Variants in TNFAIP8 observed in about 807,000 individuals in gnomAD.
TNFAIP8 encodes the protein TNF alpha induced protein 8.
A neutral mutation model predicts 13.3 loss-of-function variants in TNFAIP8; 7 were observed. The ratio of observed to expected loss-of-function variants is 0.52; its 90% CI spans 0.30 to 0.99. The LOEUF (loss-of-function observed/expected upper bound fraction) is 0.99. Ranked by LOEUF, TNFAIP8 falls within the 50% of genes least tolerant of loss-of-function variation. The probability of loss-of-function intolerance (pLI) is 0.07; values close to 1 mark genes in which losing one functional copy is unlikely to be tolerated. For missense variants in TNFAIP8, 258 were observed against 236.9 expected, an observed-to-expected ratio of 1.09 and a Z score of -0.58; for synonymous variants, 94 against 87.6, an observed-to-expected ratio of 1.07 and a Z score of -0.41.
intron 1 of TNFAIP8, among the ~76,000 whole-genome samples, chr5:119,335,336 G>A (rs900815814): frequency 3.9e-5 from 6 of 152,160 alleles, no homozygotes; most frequent in African/African-American, 1.4e-4. Context: ...ATTAATTTAA[G>A]GAATTTCTCA....
At position 119,341,834 on chromosome 5, in the gene TNFAIP8, T is replaced by G. The variant is rs915144425; in HGVS notation, c.2-50982T>G. ...TTGCATCACTGAAGAGAAGGAACCCTAATCATTTGAAACTCTCACTTCTGC... is the reference window on the plus strand; with the variant it reads ...TTGCATCACTGAAGAGAAGGAACCCGAATCATTTGAAACTCTCACTTCTGC... On this transcript the variant is annotated intron_variant, in intron 1 of 1. Transcript: ENST00000274456. 2.6e-5 allele frequency among the ~76,000 whole-genome samples: 4 copies of G among 152,188 alleles called. No homozygotes were observed. The East Asian group carries it at 7.7e-4, about 29-fold the overall frequency.
intron 1 of TNFAIP8, among the ~76,000 whole-genome samples, chr5:119,328,299 C>A (rs1750282237): frequency 6.6e-6 from 1 of 152,106 alleles, no homozygotes; most frequent in Non-Finnish European, 1.5e-5. Context: ...AGGCATGAGC[C>A]ACTGTGTCCA....
intron 1 of TNFAIP8, among the ~76,000 whole-genome samples, chr5:119,276,547 A>G (rs2150801306): frequency 6.6e-6 from 1 of 152,276 alleles, no homozygotes; most frequent in East Asian, 1.9e-4. Context: ...TTATATTCTC[A>G]CAGTTCTGGA....
chr5:119,319,918 G>C (rs1471688721), intron 1 of TNFAIP8, among the ~76,000 whole-genome samples: 1 of 152,200 alleles, frequency 6.6e-6, no homozygotes, highest in African/African-American at 2.4e-5. Flanking sequence ...GATTAGACAT[G>C]TTCTGTGTAT....
Position 119,289,012 on chromosome 5 carries a change from C to A in TNFAIP8, c.1+20105C>A, listed in dbSNP as rs76833216. The stretch of plus-strand genomic sequence containing the variant: ...AGTGAGAACCAACTGCTTCCTAGCA[C>A]GGTTTTGTAGCTTTCTTTTATGGAG... On this transcript the variant is annotated intron_variant, in intron 1 of 1. Coordinates refer to the TNFAIP8 transcript ENST00000274456. Among the ~76,000 whole-genome samples, 486 of 152,304 alleles carry A rather than the reference C, an allele frequency of 3.2e-3. 4 individuals carry two copies. Among genetic ancestry groups the A allele is most frequent in the African/African-American group, 0.011 (439 of 41,550 alleles).
In TNFAIP8 at chr5:119,335,828, T is replaced by A. The variant is rs1203162484; in HGVS notation, c.2-56988T>A. Among the ~76,000 whole-genome samples, 3 of 151,588 alleles carry A rather than the reference T, an allele frequency of 2.0e-5. No individual in the cohort carries two copies. The East Asian group carries it at 5.8e-4, about 29-fold the overall frequency. Reference sequence around the variant, plus strand: ...ATATAATAAGTGGAGAACCGAGTGCTAAGTAGAAAAAGATATTTTCAAGCT... The same window carrying A: ...ATATAATAAGTGGAGAACCGAGTGCAAAGTAGAAAAAGATATTTTCAAGCT... On this transcript the variant is annotated intron_variant, in intron 1 of 1. Transcript: ENST00000274456.
At chr5:119,301,183 T>G (rs919781639) in intron 1 of TNFAIP8, among the ~76,000 whole-genome samples, 1 of 152,196 alleles carries the variant, frequency 6.6e-6, no homozygotes, top group African/African-American at 2.4e-5. Context: ...TCCTACAGAT[T>G]AAAATCTGAG....
intron 1 of TNFAIP8, among the ~76,000 whole-genome samples, chr5:119,297,408 G>A (rs1749212346): frequency 1.3e-5 from 2 of 152,172 alleles, no homozygotes; most frequent in Admixed American, 6.5e-5. Flanking sequence ...CCATGTAGTT[G>A]AGCGGTTTTG....
intron 1 of TNFAIP8, among the ~76,000 whole-genome samples, chr5:119,300,641 T>G (rs190045762): frequency 2.0e-5 from 3 of 152,220 alleles, no homozygotes; most frequent in African/African-American, 7.2e-5. Context: ...AGGTAGTTTT[T>G]TGTTCCCGTT....
intron 1 of TNFAIP8, among the ~76,000 whole-genome samples, chr5:119,332,936 A>C (rs1750429200): frequency 6.6e-6 from 1 of 152,238 alleles, no homozygotes. Context: ...GATGATTTTA[A>C]GTAGCAACAT....
rs758800445 is a variant in TNFAIP8, at chr5:119,329,539, G to C, written c.1+60632G>C. On this transcript the variant is annotated intron_variant, in intron 1 of 1. Transcript: ENST00000274456. ...GTTCTTCCTATTTTCCACACAGTTTGCTTTTTGTGCTTTCTGTCTGGTGAA... is the reference window on the plus strand; with the variant it reads ...GTTCTTCCTATTTTCCACACAGTTTCCTTTTTGTGCTTTCTGTCTGGTGAA... Among the ~76,000 whole-genome samples the C allele has an allele frequency of 3.3e-5, 5 of 152,120 alleles. No individual in the cohort carries two copies. In the East Asian group the frequency reaches 7.7e-4, roughly 24 times the overall value.
chr5:119,287,629 G>A (rs1424775433), intron 1 of TNFAIP8, among the ~76,000 whole-genome samples: 8 of 152,136 alleles, frequency 5.3e-5, no homozygotes, highest in Non-Finnish European at 8.8e-5. Context: ...CCTGGCAGCT[G>A]CTGTTCTGCT....
At chr5:119,297,477 G>T (rs1463674961) in intron 1 of TNFAIP8, among the ~76,000 whole-genome samples, 6 of 152,212 alleles carry the variant, frequency 3.9e-5, no homozygotes, top group Non-Finnish European at 5.9e-5. Flanking sequence ...GAGACAGTTT[G>T]TTATAATTTC....
At chr5:119,317,411 A>G (rs1223405890) in intron 1 of TNFAIP8, among the ~76,000 whole-genome samples, 3 of 152,086 alleles carry the variant, frequency 2.0e-5, no homozygotes, top group Non-Finnish European at 2.9e-5. Context: ...ATCTGATTCT[A>G]TGTGCTGTAG....
chr5:119,320,354 T>C (rs976783933), intron 1 of TNFAIP8, among the ~76,000 whole-genome samples: 13 of 152,156 alleles, frequency 8.5e-5, no homozygotes, highest in African/African-American at 3.1e-4. Context: ...TATGGAAACA[T>C]CCCTATCACC....
At chr5:119,294,668 A>C (rs151002743) in intron 1 of TNFAIP8, among the ~76,000 whole-genome samples, 1,579 of 151,960 alleles carry the variant, frequency 0.01, 22 homozygotes, top group South Asian at 0.05. Flanking sequence ...CAACAGTGGG[A>C]CTCCACATCC....
At chr5:119,283,025 A>G (rs1393208846) in intron 1 of TNFAIP8, among the ~76,000 whole-genome samples, 2 of 152,194 alleles carry the variant, frequency 1.3e-5, no homozygotes, top group Non-Finnish European at 1.5e-5. Flanking sequence ...TCGGTCATAC[A>G]TTTCATTTAT....
At chr5:119,347,390 C>CT (rs1365279141) in intron 1 of TNFAIP8, among the ~76,000 whole-genome samples, 1 of 152,106 alleles carries the variant, frequency 6.6e-6, no homozygotes, top group African/African-American at 2.4e-5. Context: ...TGGGGCTTTG[C>CT]TAAGTTCAGT....
At chr5:119,311,800 T>C (rs367858275) in intron 1 of TNFAIP8, among the ~76,000 whole-genome samples, 34 of 151,628 alleles carry the variant, frequency 2.2e-4, no homozygotes, top group African/African-American at 7.8e-4. Context: ...TGAAGGGACA[T>C]TGTGGGTGTT....
Sources: gnomAD v4.1 joint callset for allele counts (sites outside exome capture counted in the v4.1 genomes callset) on GRCh38, gnomAD v4.1.1 for gene constraint, MANE v1.5 for transcripts, NCBI Gene and HGNC (gene_info 2026-07-23, HGNC 2026-07-21) for gene names.